SIX6: variants seen among roughly 807,000 people sequenced by gnomAD.
SIX6 encodes the protein SIX homeobox 6.
A neutral mutation model predicts 23.6 loss-of-function variants in SIX6; 14 were observed. That is an observed-to-expected ratio of 0.59 (90% CI 0.39 to 0.93). SIX6 has a LOEUF of 0.93. Ranked by LOEUF, SIX6 falls within the 40% of genes least tolerant of loss-of-function variation. SIX6 has a pLI of 0.00. For missense variants in SIX6, 307 were observed against 325.6 expected, an observed-to-expected ratio of 0.94 and a Z score of 0.44; for synonymous variants, 128 against 144.9, an observed-to-expected ratio of 0.88 and a Z score of 0.84.
Position 60,509,351 on chromosome 14 carries a change from G to T in SIX6, c.-48G>T. 1 of 1,530,714 alleles carries T rather than the reference G, an allele frequency of 6.5e-7. No homozygotes were observed. Among genetic ancestry groups the T allele is most frequent in the Non-Finnish European group, 8.9e-7 (1 of 1,118,170 alleles). The allele number at this position is 1,530,714 out of a possible 1,614,324, so 94.8% of individuals were successfully genotyped here. ...AGCCAGGCCCGCGGGCATCTGCTGCGTGTCCCGCTCCGGGCTCAGTGCCCT... is the reference window on the plus strand; with the variant it reads ...AGCCAGGCCCGCGGGCATCTGCTGCTTGTCCCGCTCCGGGCTCAGTGCCCT... On this transcript the variant is annotated 5_prime_UTR_variant, in exon 1 of 2. Transcript: ENST00000327720.
At position 60,511,176 on chromosome 14, in the gene SIX6, C is replaced by G. The variant is rs752483519; in HGVS notation, c.665C>G (p.Pro222Arg). ...TPEVLGVATS[P>R]AASLSSKAAT... The stretch of plus-strand genomic sequence containing the variant: ...GAGGTGCTGGGCGTCGCCACCAGCC[C>G]GGCCGCCAGTCTATCCAGCAAGGCG... The change falls in exon 2 of 2, where the codon CCG becomes CGG. Residue 222 changes from proline to arginine, a missense_variant. Transcript: ENST00000327720. 15 of 1,611,972 alleles carry G rather than the reference C, an allele frequency of 9.3e-6. No homozygotes were observed. The South Asian group carries it at 1.4e-4, about 15-fold the overall frequency.
chr14:60,511,045 G>A, intron 1 of SIX6, 39 bp from the exon 2 acceptor site: 1 of 1,604,040 alleles, frequency 6.2e-7, no homozygotes, highest in Non-Finnish European at 8.5e-7. Context: ...GGGCGGCTGT[G>A]TTACGAGCTG....
rs573299460 is a variant in SIX6 at position 60,509,531 on chromosome 14, G to C, written c.133G>C (p.Glu45Gln). 6.2e-7 allele frequency: 1 copy of C among 1,608,742 alleles called. No homozygotes were observed. Among genetic ancestry groups the C allele is most frequent in the African/African-American group, 1.3e-5 (1 of 75,062 alleles). Residue 45 changes from glutamate (E) to glutamine (Q), a missense_variant, in exon 1 of 2, where the codon GAG (glutamate) becomes CAG (glutamine). Coordinates refer to ENST00000327720, the MANE Select transcript of SIX6 (RefSeq NM_007374.3). ...GCTGCCCGTGGCCCCTGCGGCCTGC[G>C]AGGCCCTCAACAAGAATGAGTCGGT... ...WSLPVAPAAC[E>Q]ALNKNESVLR... is the part of the protein sequence containing the mutation.
At chr14:60,510,148 C>G (rs1893268803) in intron 1 of SIX6, among the ~76,000 whole-genome samples, 178 bp downstream of exon 1, 1 of 152,206 alleles carries the variant, frequency 6.6e-6, no homozygotes, top group Non-Finnish European at 1.5e-5. Context: ...CTTGCCGGCT[C>G]TGCTTCCCCA....
Position 60,511,936 on chromosome 14 carries a change from C to T in SIX6, c.*684C>T, listed in dbSNP as rs564056693. On this transcript the variant is annotated 3_prime_UTR_variant, in exon 2 of 2. Coordinates refer to ENST00000327720, the MANE Select transcript of SIX6 (RefSeq NM_007374.3). ...TATATATCTTTTGCCTTCTTTGGTG[C>T]TTCCTGGTATATGTTTTAAACAACC... is the stretch of plus-strand genomic sequence containing the variant. 1.9e-5 allele frequency: 3 copies of T among 155,414 alleles called. No homozygotes were observed. In the East Asian group the frequency reaches 5.7e-4, roughly 30 times the overall value. The allele number at this position is 155,414 out of a possible 1,614,324, so 9.6% of individuals were successfully genotyped here.
In SIX6 at chr14:60,511,129, G is replaced by C. The variant is rs756162271; in HGVS notation, c.618G>C (p.Arg206=). Residue 206 remains arginine (R), a synonymous_variant, in exon 2 of 2, where the codon CGG becomes CGC. Coordinates refer to ENST00000327720, the MANE Select transcript of SIX6 (RefSeq NM_007374.3). ...CACAGGGTTCCGGGCGGGCACTACG[G>C]GCGGAGGGCGACGGCACGCCAGAGG... is the stretch of plus-strand genomic sequence containing the variant. ...VLSQGSGRAL[R]AEGDGTPEVL... The C allele has an allele frequency of 2.5e-6, 4 of 1,612,842 alleles. No homozygotes were observed. The highest frequency in any genetic ancestry group is 2.2e-5 in the East Asian group (1 of 44,858).
chr14:60,509,973 C>G lies in SIX6; in HGVS notation c.572+3C>G, dbSNP rs1231504112. ...CGAGCGGCTGCAGCCAAGAACAGGTCGGTACCTAGAGGCCTCCGCGCTTTG... is the reference window on the plus strand; with the variant it reads ...CGAGCGGCTGCAGCCAAGAACAGGTGGGTACCTAGAGGCCTCCGCGCTTTG... On this transcript the variant is annotated splice_donor_region_variant and intron_variant, in intron 1 of 1. Transcript: ENST00000327720. 1.9e-6 allele frequency: 3 copies of G among 1,596,226 alleles called. No individual in the cohort carries two copies. Among genetic ancestry groups the G allele is most frequent in the Non-Finnish European group, 2.6e-6 (3 of 1,170,494 alleles).
Position 60,511,541 on chromosome 14 carries a change from C to G in SIX6, c.*289C>G, listed in dbSNP as rs1030626783. 89 of 553,162 alleles carry G rather than the reference C, an allele frequency of 1.6e-4. No individual in the cohort carries two copies. The highest frequency in any genetic ancestry group is 1.6e-3 in the African/African-American group (84 of 53,128). The allele number at this position is 553,162 out of a possible 1,614,324, so 34.3% of individuals were successfully genotyped here. ...TTGCTGCAAAGTCTCCTTCGGAACC[C>G]GAACTGCAAGCTGAGCGCCTGCCCA... On this transcript the variant is annotated 3_prime_UTR_variant, in exon 2 of 2. Transcript: ENST00000327720.
At position 60,511,138 on chromosome 14, in the gene SIX6, C is replaced by T. The variant is rs778422614; in HGVS notation, c.627C>T (p.Gly209=). Residue 209 remains glycine, a synonymous_variant, in exon 2 of 2, where the codon GGC becomes GGT. Coordinates refer to ENST00000327720, the MANE Select transcript of SIX6 (RefSeq NM_007374.3). ...QGSGRALRAE[G]DGTPEVLGVA... ...CCGGGCGGGCACTACGGGCGGAGGG[C>T]GACGGCACGCCAGAGGTGCTGGGCG... The T allele has an allele frequency of 6.2e-7, 1 of 1,612,774 alleles. No individual in the cohort carries two copies. Among genetic ancestry groups the T allele is most frequent in the Non-Finnish European group, 8.5e-7 (1 of 1,179,874 alleles).
chr14:60,511,079 C>G lies in SIX6; in HGVS notation c.573-5C>G. The G allele has an allele frequency of 6.2e-7, 1 of 1,612,458 alleles. No individual in the cohort carries two copies. The highest frequency in any genetic ancestry group is 8.5e-7 in the Non-Finnish European group (1 of 1,179,738). On this transcript the variant is annotated splice_region_variant and splice_polypyrimidine_tract_variant and intron_variant, in intron 1 of 1. Transcript: ENST00000327720. ...TGTGACCCGTGTTCCCTTTCTTCCC[C>G]GTAGACTCCAGCAGCAGGTCCTGTC...
chr14:60,510,588 C>T (rs1893275967), intron 1 of SIX6, among the ~76,000 whole-genome samples: 2 of 152,170 alleles, frequency 1.3e-5, no homozygotes, highest in Non-Finnish European at 2.9e-5. Flanking sequence ...AGCCCGGCCT[C>T]ATCCCCCAGG....
intron 1 of SIX6, among the ~76,000 whole-genome samples, chr14:60,510,527 CT>C (rs1328911158): frequency 1.3e-5 from 2 of 152,226 alleles, no homozygotes; most frequent in Non-Finnish European, 2.9e-5. Context: ...TGGGCCGAGG[CT>C]TTTCGTTTCC....
Position 60,511,266 on chromosome 14 carries a change from G to T in SIX6, c.*14G>T, listed in dbSNP as rs533016019. ...TGCGACATCTGAGTTGCCCATCCAGGATGCTCAGAAGCAGATTCCAGTGTA... is the reference window on the plus strand; with the variant it reads ...TGCGACATCTGAGTTGCCCATCCAGTATGCTCAGAAGCAGATTCCAGTGTA... On this transcript the variant is annotated 3_prime_UTR_variant, in exon 2 of 2. Transcript: ENST00000327720. 1 of 1,613,192 alleles carries T rather than the reference G, an allele frequency of 6.2e-7. No homozygotes were observed. Among genetic ancestry groups the T allele is most frequent in the African/African-American group, 1.3e-5 (1 of 75,050 alleles).
At position 60,511,517 on chromosome 14, in the gene SIX6, T is replaced by C. The variant is rs1319919326; in HGVS notation, c.*265T>C. The C allele has an allele frequency of 1.7e-6, 1 of 580,828 alleles. No individual in the cohort carries two copies. The highest frequency in any genetic ancestry group is 1.9e-5 in the African/African-American group (1 of 53,494). The allele number at this position is 580,828 out of a possible 1,614,324, so 36.0% of individuals were successfully genotyped here. A position where few individuals can be genotyped will look rare whatever the true frequency, so the allele number is the denominator to read the frequency against. On this transcript the variant is annotated 3_prime_UTR_variant, in exon 2 of 2. Coordinates refer to ENST00000327720, the MANE Select transcript of SIX6 (RefSeq NM_007374.3). ...TTGCTTTGCTTTTTCCTAAGGATTT[T>C]GCTGCAAAGTCTCCTTCGGAACCCG... is the stretch of plus-strand genomic sequence containing the variant.
In SIX6 at chr14:60,512,517, G is replaced by A. The variant is rs1893310017; in HGVS notation, c.*1265G>A. 1 of 152,156 alleles carries A rather than the reference G, an allele frequency of 6.6e-6. No individual in the cohort carries two copies. Among genetic ancestry groups the A allele is most frequent in the African/African-American group, 2.4e-5 (1 of 41,424 alleles). 9.4% of individuals were successfully genotyped at this position (152,156 alleles called of 1,614,324 possible). ...TTAACAAGAGGGATACTGAGATGGG[G>A]GAAAGGATGTAATCATGTCACATAC... On this transcript the variant is annotated 3_prime_UTR_variant, in exon 2 of 2. Transcript: ENST00000327720.
chr14:60,509,621 G>A lies in SIX6; in HGVS notation c.223G>A (p.Glu75Lys). Residue 75 changes from glutamate to lysine, a missense_variant, in exon 1 of 2, where the codon GAA becomes AAA. By Grantham distance (56) the Glu-to-Lys change is moderately conservative. Coordinates refer to ENST00000327720, the MANE Select transcript of SIX6 (RefSeq NM_007374.3). Reference protein sequence around the residue: ...GNYRELYHILENHKFTKESHA... With the variant: ...GNYRELYHILKNHKFTKESHA... ...CTACCGCGAGCTCTATCATATCCTG[G>A]AAAACCACAAGTTCACCAAGGAGTC... The A allele has an allele frequency of 6.2e-7, 1 of 1,613,798 alleles. No homozygotes were observed. The highest frequency in any genetic ancestry group is 1.3e-5 in the African/African-American group (1 of 75,054).
intron 1 of SIX6, 75 bp from the exon 2 acceptor site, chr14:60,511,009 C>G (rs968094941): frequency 1.6e-5 from 24 of 1,470,576 alleles, no homozygotes; most frequent in Non-Finnish European, 2.1e-5. Flanking sequence ...GCTGGAGGGA[C>G]GCAGGAGGTG....
intron 1 of SIX6, among the ~76,000 whole-genome samples, chr14:60,510,609 C>T (rs772983086): frequency 1.4e-4 from 22 of 152,160 alleles, no homozygotes; most frequent in Non-Finnish European, 2.9e-5. Context: ...CCCAAATGCT[C>T]CTTACAATCC....
At chr14:60,510,405 T>TC (rs1258560168) in intron 1 of SIX6, among the ~76,000 whole-genome samples, 1 of 152,180 alleles carries the variant, frequency 6.6e-6, no homozygotes, top group Non-Finnish European at 1.5e-5. Flanking sequence ...GGTATATCCC[T>TC]CCCTAATGCT....
Sources: gnomAD v4.1 joint callset for allele counts (sites outside exome capture counted in the v4.1 genomes callset) on GRCh38, gnomAD v4.1.1 for gene constraint, MANE v1.5 for transcripts, NCBI Gene and HGNC (gene_info 2026-07-23, HGNC 2026-07-21) for gene names.